TBX18: variants seen among roughly 807,000 people sequenced by gnomAD.
The protein encoded by TBX18 is T-box transcription factor 18, also known as T-box transcription factor TBX18.
Under a neutral mutation model 55.0 loss-of-function variants are expected in TBX18, and 21 were observed. The observed-to-expected ratio is 0.38, with a 90% CI of 0.27 to 0.55. TBX18 has a LOEUF of 0.55. TBX18 is among the 20% of genes least tolerant of loss of function. The probability of loss-of-function intolerance (pLI) is 0.73; values close to 1 mark genes in which losing one functional copy is unlikely to be tolerated. For synonymous variants in TBX18, 342 were observed against 326.1 expected (o/e 1.05, Z -0.53); for missense variants, 840 against 799.6 (o/e 1.05, Z -0.61).
rs779031895 is a variant in TBX18, at chr6:84,736,655, A to C, written c.*30T>G. 6.7e-7 allele frequency: 1 copy of C among 1,501,538 alleles called. No homozygotes were observed. The highest frequency in any genetic ancestry group is 8.9e-7 in the Non-Finnish European group (1 of 1,126,812). 93.0% of individuals were successfully genotyped at this position (1,501,538 alleles called of 1,614,324 possible). On this transcript the variant is annotated 3_prime_UTR_variant, in exon 8 of 8. Transcript: ENST00000369663. ...AAGAAAAAGAAAATATGTTAGACAG[A>C]TCCAAATGTCATTTAACTTAAAGGC...
intron 4 of TBX18, among the ~76,000 whole-genome samples, chr6:84,754,544 G>A (rs79973336): frequency 0.1 from 15,524 of 152,126 alleles, 826 homozygotes; most frequent in African/African-American, 0.11. Flanking sequence ...TTTCTGCTAT[G>A]TTATTTATTT....
Position 84,732,999 on chromosome 6 carries a change from G to T in TBX18, c.*3686C>A, listed in dbSNP as rs1773845100. The T allele has an allele frequency of 6.6e-6, 1 of 152,000 alleles. No homozygotes were observed. The highest frequency in any genetic ancestry group is 1.5e-5 in the Non-Finnish European group (1 of 67,982). The allele number at this position is 152,000 out of a possible 1,614,324, so 9.4% of individuals were successfully genotyped here. On this transcript the variant is annotated 3_prime_UTR_variant, in exon 8 of 8. Coordinates refer to ENST00000369663, the MANE Select transcript of TBX18 (RefSeq NM_001080508.3). The stretch of plus-strand genomic sequence containing the variant: ...CATTCCTTTCACACATAGCAAAACT[G>T]AGACATAAAGCAGCTAATTTTTTTA...
At chr6:84,746,691 C>T (rs978510384) in intron 5 of TBX18, among the ~76,000 whole-genome samples, 16 of 146,936 alleles carry the variant, frequency 1.1e-4, no homozygotes, top group South Asian at 2.1e-4. Flanking sequence ...ATATATAATA[C>T]GTTAAATATG....
At chr6:84,741,196 C>T (rs1160589697) in intron 6 of TBX18, 1 of 152,176 alleles carries the variant, frequency 6.6e-6, no homozygotes, top group African/African-American at 2.4e-5. Context: ...GTAATGGAGA[C>T]CTTTCCTGGC....
At chr6:84,763,519 T>C (rs1767717299) in intron 1 of TBX18, 1 of 501,488 alleles carries the variant, frequency 2.0e-6, no homozygotes, top group Non-Finnish European at 3.9e-6. Context: ...GGGTATGCCG[T>C]CGCTCCCCTC....
chr6:84,738,419 T>C, intron 7 of TBX18, 78 bp downstream of exon 7: 1 of 1,064,756 alleles, frequency 9.4e-7, no homozygotes, highest in South Asian at 1.3e-5. Context: ...GTATAAATAA[T>C]GACTTGTACA....
Position 84,756,799 on chromosome 6 carries a change from T to A in TBX18, c.670A>T (p.Ile224Phe). The part of the protein sequence containing the change: ...ADSPVPPRVY[I>F]HPDSPASGET... Reference sequence around the variant, plus strand: ...CCCGAGGCAGGCGAGTCTGGATGAATGTACACACGGGGTGGCACAGGCGAG... The same window carrying A: ...CCCGAGGCAGGCGAGTCTGGATGAAAGTACACACGGGGTGGCACAGGCGAG... The change falls in exon 4 of 8, where the codon ATT becomes TTT. Residue 224 changes from isoleucine (I) to phenylalanine (F), a missense_variant. Coordinates refer to ENST00000369663, the MANE Select transcript of TBX18 (RefSeq NM_001080508.3). 6.2e-7 allele frequency: 1 copy of A among 1,614,126 alleles called. No homozygotes were observed. The highest frequency in any genetic ancestry group is 8.5e-7 in the Non-Finnish European group (1 of 1,180,026).
At chr6:84,755,211 C>G (rs1767456198) in intron 4 of TBX18, among the ~76,000 whole-genome samples, 1 of 151,996 alleles carries the variant, frequency 6.6e-6, no homozygotes, top group Non-Finnish European at 1.5e-5. Flanking sequence ...ACGGAAAGAA[C>G]TAGAACTGTA....
intron 6 of TBX18, among the ~76,000 whole-genome samples, chr6:84,743,259 A>G (rs1000568681): frequency 6.6e-6 from 1 of 152,142 alleles, no homozygotes; most frequent in Non-Finnish European, 1.5e-5. Context: ...GCATATAACA[A>G]TGACATCACA....
At chr6:84,762,806 C>T in intron 1 of TBX18, 58 bp from the exon 2 acceptor site, 1 of 1,522,816 alleles carries the variant, frequency 6.6e-7, no homozygotes, top group East Asian at 2.4e-5. Context: ...GGAAGCCAGC[C>T]GCGGAGACGG....
chr6:84,763,260 G>A (rs1014283863), intron 1 of TBX18: 3 of 392,826 alleles, frequency 7.6e-6, no homozygotes, highest in Non-Finnish European at 1.5e-5. Context: ...TTTTGGGCCG[G>A]GCCGGAGGCA....
chr6:84,764,083 C>A lies in TBX18; in HGVS notation c.99G>T (p.Gln33His). ...CCAGTTTTCGCCGCTTCTTCTGAAG[C>A]TGTTGCTGCTTCTCGGCGCCGATCA... Reference protein sequence around the residue: ...EALIGAEKQQQLQKKRRKLGA... With the variant: ...EALIGAEKQQHLQKKRRKLGA... The change falls in exon 1 of 8, where the codon CAG becomes CAT. Residue 33 changes from glutamine (Q) to histidine (H), a missense_variant. Gln to His is a conservative substitution (Grantham distance 24). Transcript: ENST00000369663. The A allele has an allele frequency of 6.3e-7, 1 of 1,584,588 alleles. No homozygotes were observed. The highest frequency in any genetic ancestry group is 8.5e-7 in the Non-Finnish European group (1 of 1,170,104).
At chr6:84,737,614 C>T (rs1267371698) in intron 7 of TBX18, among the ~76,000 whole-genome samples, 1 of 152,126 alleles carries the variant, frequency 6.6e-6, no homozygotes, top group East Asian at 1.9e-4. Context: ...GAATCACATG[C>T]TAATACAAGA....
chr6:84,760,474 T>C, intron 2 of TBX18, 118 bp from the exon 3 acceptor site: 1 of 590,600 alleles, frequency 1.7e-6, no homozygotes, highest in Non-Finnish European at 2.9e-6. Context: ...AAATTTATAG[T>C]ATTCACTTTG....
chr6:84,754,197 G>T (rs1254636595), intron 4 of TBX18, among the ~76,000 whole-genome samples: 1 of 152,146 alleles, frequency 6.6e-6, no homozygotes, highest in Non-Finnish European at 1.5e-5. Context: ...CAAAGTGCTG[G>T]GATTACAGGC....
At chr6:84,759,216 AGACT>A (rs1313370061) in intron 3 of TBX18, among the ~76,000 whole-genome samples, 5 of 152,098 alleles carry the variant, frequency 3.3e-5, no homozygotes, top group Non-Finnish European at 5.9e-5. Context: ...ACAAATAATA[AGACT>A]GTCTTTTTTA....
At chr6:84,752,909 C>A (rs572742505) in intron 4 of TBX18, among the ~76,000 whole-genome samples, 8 of 152,252 alleles carry the variant, frequency 5.3e-5, no homozygotes, top group East Asian at 3.9e-4. Context: ...TACACCACTA[C>A]CTGCTAAATG....
rs756673332 is a variant in TBX18 at position 84,737,301 on chromosome 6, C to G, written c.1208G>C (p.Gly403Ala). ...SSCSSPAFHL[G>A]PNTSQLCSLA... ...ACTACACAGCTGGCTGGTGTTGGGC[C>G]CCAGATGGAAGGCAGGAGAGGAGCA... Residue 403 changes from glycine (G) to alanine (A), a missense_variant, in exon 8 of 8, where the codon GGG (glycine) becomes GCG (alanine). Gly to Ala is a moderately conservative substitution (Grantham distance 60). Transcript: ENST00000369663. 16 of 1,605,450 alleles carry G rather than the reference C, an allele frequency of 1.0e-5. No homozygotes were observed. Among genetic ancestry groups the G allele is most frequent in the Non-Finnish European group, 1.4e-5 (16 of 1,175,826 alleles).
rs553099460 is a variant in TBX18 at position 84,742,015 on chromosome 6, G to A, written c.1004+2246C>T. 1.4e-3 allele frequency: 220 copies of A among 152,170 alleles called. 1 individual carries two copies. Among genetic ancestry groups the A allele is most frequent in the African/African-American group, 4.9e-3 (205 of 41,526 alleles). 9.4% of individuals were successfully genotyped at this position (152,170 alleles called of 1,614,324 possible). ...AGGAATAATGATTTATAGATATTTA[G>A]CATTCCAAAGTGAGAAGTATTAGTA... is the stretch of plus-strand genomic sequence containing the variant. On this transcript the variant is annotated intron_variant, in intron 6 of 7. Coordinates refer to ENST00000369663, the MANE Select transcript of TBX18 (RefSeq NM_001080508.3).
Sources: gnomAD v4.1 joint callset for allele counts (sites outside exome capture counted in the v4.1 genomes callset) on GRCh38, gnomAD v4.1.1 for gene constraint, MANE v1.5 for transcripts, NCBI Gene and HGNC (gene_info 2026-07-23, HGNC 2026-07-21) for gene names.